The following TRPC7 variants were observed in gnomAD, a reference collection of about 807,000 sequenced individuals.
The protein encoded by TRPC7 is short transient receptor potential channel 7.
TRPC7 carries 42 observed loss-of-function variants against 90.1 expected under a neutral mutation model. That is an observed-to-expected ratio of 0.47 (90% CI 0.36 to 0.60). TRPC7 has a LOEUF of 0.60. Ranked by LOEUF, TRPC7 falls within the 20% of genes least tolerant of loss-of-function variation. TRPC7 has a pLI of 0.00. For missense variants in TRPC7, 955 were observed against 1,112.3 expected, an observed-to-expected ratio of 0.86 and a Z score of 2.01; for synonymous variants, 451 against 436.3, an observed-to-expected ratio of 1.03 and a Z score of -0.42.
intron 10 of TRPC7, among the ~76,000 whole-genome samples, chr5:136,223,820 T>G (rs1307880061): frequency 6.6e-6 from 1 of 152,176 alleles, no homozygotes; most frequent in Non-Finnish European, 1.5e-5. Context: ...TCTATACTTC[T>G]CTCTGAAAAG....
intron 7 of TRPC7, among the ~76,000 whole-genome samples, chr5:136,240,257 G>A (rs1427303460): frequency 1.3e-5 from 2 of 152,138 alleles, no homozygotes; most frequent in Non-Finnish European, 2.9e-5. Context: ...CTGACTGCCA[G>A]GTAGGGCTCA....
At chr5:136,329,110 G>T (rs893886795) in intron 2 of TRPC7, among the ~76,000 whole-genome samples, 1 of 152,306 alleles carries the variant, frequency 6.6e-6, no homozygotes, top group Middle Eastern at 3.4e-3. Context: ...ATTGTGAGGG[G>T]CCCATAGCAC....
chr5:136,360,829 G>A (rs1342512500), intron 1 of TRPC7, among the ~76,000 whole-genome samples: 1 of 152,166 alleles, frequency 6.6e-6, no homozygotes, highest in Non-Finnish European at 1.5e-5. Context: ...ATTGATGGAG[G>A]CCTTTTAACC....
intron 5 of TRPC7, among the ~76,000 whole-genome samples, chr5:136,257,713 T>C (rs973081076): frequency 2.0e-5 from 3 of 152,204 alleles, no homozygotes; most frequent in Non-Finnish European, 4.4e-5. Context: ...TTTGTGGTAA[T>C]TCAGTGAAGT....
intron 1 of TRPC7, among the ~76,000 whole-genome samples, chr5:136,362,680 T>C (rs183848246): frequency 6.6e-6 from 1 of 152,318 alleles, no homozygotes; most frequent in Non-Finnish European, 1.5e-5. Flanking sequence ...AAGGATCTAG[T>C]CTGTCTGCTT....
chr5:136,334,300 T>A (rs1348358515), intron 2 of TRPC7, among the ~76,000 whole-genome samples: 2 of 152,216 alleles, frequency 1.3e-5, no homozygotes, highest in Non-Finnish European at 1.5e-5. Context: ...AGTGACTTTT[T>A]AAAAATTGCT....
At chr5:136,342,675 C>G (rs35545133) in intron 2 of TRPC7, among the ~76,000 whole-genome samples, 13,184 of 152,186 alleles carry the variant, frequency 0.087, 730 homozygotes, top group Non-Finnish European at 0.13. Context: ...GATGGTGACA[C>G]TATATTTTCT....
chr5:136,242,435 C>A (rs1274812708), intron 7 of TRPC7, among the ~76,000 whole-genome samples: 1 of 152,110 alleles, frequency 6.6e-6, no homozygotes, highest in Non-Finnish European at 1.5e-5. Flanking sequence ...ACAACCCAGA[C>A]CTTTGAGAAA....
chr5:136,299,340 CGTGTGT>C (rs529330866), intron 3 of TRPC7, among the ~76,000 whole-genome samples: 5,517 of 122,668 alleles, frequency 0.045, 214 homozygotes, highest in East Asian at 0.16. Flanking sequence ...GGGGTGTGTG[CGTGTGT>C]GTGTGTGTGT....
intron 5 of TRPC7, among the ~76,000 whole-genome samples, chr5:136,259,679 C>G (rs1756794707): frequency 2.6e-5 from 4 of 152,196 alleles, no homozygotes. Context: ...AGAATCACTG[C>G]TTATAATGCA....
In TRPC7 at chr5:136,266,339, C is replaced by T. The variant is rs1196926705; in HGVS notation, c.1226G>A (p.Arg409Gln). The T allele has an allele frequency of 1.1e-5, 18 of 1,613,700 alleles. No homozygotes were observed. Among genetic ancestry groups the T allele is most frequent in the East Asian group, 4.5e-5 (2 of 44,880 alleles). ...LGLLVVNASD[R>Q]FEGVKTLPNE... ...TGGCAGGGTTTTAACACCTTCAAAT[C>T]GGTCAGATGCATTCACAACTAATAA... The change falls in exon 5 of 12, where the codon CGA (arginine) becomes CAA (glutamine). Residue 409 changes from arginine (R) to glutamine (Q), a missense_variant. Physicochemically the swap from Arg to Gln is conservative, Grantham distance 43 (BLOSUM62 1). This residue lies in a region of TRPC7 where 484 missense variants were observed against 509.6 expected (regional missense o/e 0.95). Coordinates refer to ENST00000513104, the MANE Select transcript of TRPC7 (RefSeq NM_020389.3).
intron 1 of TRPC7, among the ~76,000 whole-genome samples, chr5:136,361,807 A>G (rs1388966641): frequency 6.6e-6 from 1 of 152,132 alleles, no homozygotes; most frequent in Non-Finnish European, 1.5e-5. Flanking sequence ...AAGAGTACAT[A>G]TTCTGAGTAT....
chr5:136,273,065 T>G (rs980915057), intron 4 of TRPC7, among the ~76,000 whole-genome samples: 7 of 152,358 alleles, frequency 4.6e-5, no homozygotes, highest in African/African-American at 1.7e-4. Context: ...TCCTGGAAGC[T>G]GTCACATTTA....
At chr5:136,239,266 C>T (rs956753527) in intron 7 of TRPC7, among the ~76,000 whole-genome samples, 1 of 152,200 alleles carries the variant, frequency 6.6e-6, no homozygotes, top group Admixed American at 6.5e-5. Flanking sequence ...AGGTTACAGG[C>T]GTGGGCCACT....
intron 3 of TRPC7, among the ~76,000 whole-genome samples, chr5:136,306,982 A>G (rs188130108): frequency 0.01 from 1,598 of 152,338 alleles, 9 homozygotes; most frequent in Admixed American, 0.014. Flanking sequence ...TGTTGCTCAC[A>G]CAAAGCCTGT....
At position 136,266,204 on chromosome 5, in the gene TRPC7, A is replaced by C. The variant is rs1301189329; in HGVS notation, c.1345+16T>G. The C allele has an allele frequency of 8.1e-6, 13 of 1,600,972 alleles. No homozygotes were observed. In the Admixed American group the frequency reaches 1.8e-4, roughly 23 times the overall value. Reference sequence around the variant, plus strand: ...TAATTAGCAAGGAGAGAATAAAAATAGAGTGACTTGCTTACCTAAGACCCA... The same window carrying C: ...TAATTAGCAAGGAGAGAATAAAAATCGAGTGACTTGCTTACCTAAGACCCA... On this transcript the variant is annotated intron_variant, in intron 5 of 11. Transcript: ENST00000513104.
chr5:136,256,744 T>C (rs1337366967), intron 5 of TRPC7, among the ~76,000 whole-genome samples: 1 of 152,224 alleles, frequency 6.6e-6, no homozygotes, highest in Non-Finnish European at 1.5e-5. Flanking sequence ...AATACCAAGA[T>C]AAAGTCTAGA....
chr5:136,246,736 A>G (rs1425531712), intron 7 of TRPC7, among the ~76,000 whole-genome samples: 1 of 152,204 alleles, frequency 6.6e-6, no homozygotes, highest in Non-Finnish European at 1.5e-5. Context: ...ACTTTTACCC[A>G]GAGTTCTGTT....
chr5:136,300,900 A>G (rs1758357615), intron 3 of TRPC7, among the ~76,000 whole-genome samples: 1 of 152,250 alleles, frequency 6.6e-6, no homozygotes, highest in South Asian at 2.1e-4. Context: ...GATCTAGATG[A>G]ACCAAGAGTC....
Sources: allele counts gnomAD v4.1 joint callset (sites outside exome capture counted in the v4.1 genomes callset), GRCh38; gene constraint gnomAD v4.1.1; regional missense constraint gnomAD v4.1.1; transcripts MANE v1.5; gene names NCBI Gene and HGNC (gene_info 2026-07-23, HGNC 2026-07-21).